Variants in TMEM45B observed in about 807,000 individuals in gnomAD.
TMEM45B encodes transmembrane protein 45B.
Under a neutral mutation model 27.3 loss-of-function variants are expected in TMEM45B, and 29 were observed. The ratio of observed to expected loss-of-function variants is 1.06; its 90% confidence interval spans 0.79 to 1.45. The LOEUF (loss-of-function observed/expected upper bound fraction) is 1.45. TMEM45B is among the 40% of genes most tolerant of loss of function. The pLI is 0.00. For missense variants in TMEM45B, 348 were observed against 343.9 expected (o/e 1.01, Z -0.09); for synonymous variants, 143 against 134.7 (o/e 1.06, Z -0.43).
At chr11:129,826,446 G>T (rs1947480842) in intron 1 of TMEM45B, among the ~76,000 whole-genome samples, 1 of 150,418 alleles carries the variant, frequency 6.6e-6, no homozygotes, top group Non-Finnish European at 1.5e-5. Context: ...CTAATCGGGA[G>T]GCTGAGGCAG....
intron 5 of TMEM45B, among the ~76,000 whole-genome samples, 156 bp from the exon 6 acceptor site, chr11:129,858,414 GATGA>G: frequency 6.6e-6 from 1 of 152,256 alleles, no homozygotes; most frequent in South Asian, 2.1e-4. Context: ...TTTATCTACT[GATGA>G]ATATTTCCTA....
At chr11:129,847,270 A>G (rs2135590045) in intron 1 of TMEM45B, among the ~76,000 whole-genome samples, 1 of 152,276 alleles carries the variant, frequency 6.6e-6, no homozygotes, top group South Asian at 2.1e-4. Flanking sequence ...ACCGGAGGAA[A>G]CAGCTGAAAG....
intron 1 of TMEM45B, among the ~76,000 whole-genome samples, chr11:129,844,545 G>A (rs186448945): frequency 2.8e-4 from 43 of 152,258 alleles, no homozygotes; most frequent in African/African-American, 9.9e-4. Context: ...AAATTGGCCA[G>A]GCGTGGTGGC....
intron 1 of TMEM45B, among the ~76,000 whole-genome samples, chr11:129,849,328 A>C (rs2135594418): frequency 6.6e-6 from 1 of 152,338 alleles, no homozygotes; most frequent in South Asian, 2.1e-4. Context: ...GGAAGGAAGA[A>C]AGGAGTAACA....
Position 129,852,566 on chromosome 11 carries a change from G to A in TMEM45B, c.84G>A (p.Lys28=). Residue 28 remains lysine (K), a synonymous_variant, in exon 2 of 6, where the codon AAG becomes AAA. Coordinates refer to ENST00000281441, the MANE Select transcript of TMEM45B (RefSeq NM_138788.5). Reference sequence around the variant, plus strand: ...GTTGGTCAGTGAAGTACCCGCTGAAGTACTTTAGCCACACGCGGAAGAACA... The same window carrying A: ...GTTGGTCAGTGAAGTACCCGCTGAAATACTTTAGCCACACGCGGAAGAACA... ...GLCWSVKYPL[K]YFSHTRKNSP... is the part of the protein sequence containing the mutation. 1 of 1,613,976 alleles carries A rather than the reference G, an allele frequency of 6.2e-7. No individual in the cohort carries two copies. Among genetic ancestry groups the A allele is most frequent in the African/African-American group, 1.3e-5 (1 of 75,030 alleles).
chr11:129,842,372 T>A (rs1490918401), intron 1 of TMEM45B, among the ~76,000 whole-genome samples: 2 of 152,182 alleles, frequency 1.3e-5, no homozygotes, highest in Non-Finnish European at 2.9e-5. Context: ...GCCAGAAGCA[T>A]CACACTTCCT....
intron 1 of TMEM45B, 118 bp downstream of exon 1, chr11:129,816,016 G>C: frequency 6.5e-6 from 8 of 1,229,580 alleles, no homozygotes; most frequent in Non-Finnish European, 8.2e-6. Flanking sequence ...GGGGACCTGC[G>C]GGGGAGGGGA....
In TMEM45B at chr11:129,859,966, G is replaced by C. The variant is rs2135622460; in HGVS notation, c.*1281G>C. 6.5e-6 allele frequency: 1 copy of C among 152,776 alleles called. No individual in the cohort carries two copies. The highest frequency in any genetic ancestry group is 2.1e-4 in the South Asian group (1 of 4,828). 9.5% of individuals were successfully genotyped at this position (152,776 alleles called of 1,614,324 possible). On this transcript the variant is annotated 3_prime_UTR_variant, in exon 6 of 6. Coordinates refer to ENST00000281441, the MANE Select transcript of TMEM45B (RefSeq NM_138788.5). ...AGAGACATGCCTGTAGTTACATCCA[G>C]TGTGATGGGTGCTGAGAGGCAAGTA...
intron 1 of TMEM45B, among the ~76,000 whole-genome samples, chr11:129,829,193 T>C (rs1947520795): frequency 6.6e-6 from 1 of 152,210 alleles, no homozygotes; most frequent in African/African-American, 2.4e-5. Flanking sequence ...CACTACATAG[T>C]TCATATTCTA....
chr11:129,827,804 GAAATA>G (rs1010650484), intron 1 of TMEM45B, among the ~76,000 whole-genome samples: 2 of 151,830 alleles, frequency 1.3e-5, no homozygotes, highest in African/African-American at 4.8e-5. Context: ...CTCTGCCTCA[GAAATA>G]AAATAAAATA....
Position 129,851,881 on chromosome 11 carries a change from ATAAAAT to A in TMEM45B, c.-8-591_-8-586del, listed in dbSNP as rs1330782415. On this transcript the variant is annotated intron_variant, in intron 1 of 5. Coordinates refer to ENST00000281441, the MANE Select transcript of TMEM45B (RefSeq NM_138788.5). The stretch of plus-strand genomic sequence containing the variant: ...TACTAGACCACCACACCAAAACTTT[ATAAAAT>A]TATTTTCCAGTTGGGTGAAAAATGA... Among the ~76,000 whole-genome samples, 4 of 152,348 alleles carry A rather than the reference ATAAAAT, an allele frequency of 2.6e-5. No individual in the cohort carries two copies. In the South Asian group the frequency reaches 6.2e-4, roughly 24 times the overall value.
intron 1 of TMEM45B, among the ~76,000 whole-genome samples, chr11:129,837,208 A>G (rs193007750): frequency 3.2e-4 from 49 of 152,088 alleles, no homozygotes; most frequent in Admixed American, 8.5e-4. Context: ...TCCCTTTAAG[A>G]CCAGCCCGGG....
At chr11:129,849,821 G>GA (rs1947818486) in intron 1 of TMEM45B, among the ~76,000 whole-genome samples, 1 of 152,190 alleles carries the variant, frequency 6.6e-6, no homozygotes, top group South Asian at 2.1e-4. Context: ...CCCTTCCCCT[G>GA]AAACTGTTCT....
At chr11:129,826,567 A>AAAAAAAAAAAAAAGAAAAAT (rs1199881268) in intron 1 of TMEM45B, among the ~76,000 whole-genome samples, 3 of 96,114 alleles carry the variant, frequency 3.1e-5, no homozygotes, top group Non-Finnish European at 4.0e-5. Flanking sequence ...AAAAAAAAAA[A>AAAAAAAAAAAAAAGAAAAAT]AGGACCCTGA....
intron 1 of TMEM45B, among the ~76,000 whole-genome samples, chr11:129,847,555 C>T (rs1485241177): frequency 4.7e-5 from 7 of 150,386 alleles, no homozygotes; most frequent in Admixed American, 1.3e-4. Flanking sequence ...TGTGTGTGTC[C>T]CTGGGTACTT....
intron 1 of TMEM45B, chr11:129,828,075 G>C (rs902247723): frequency 2.3e-4 from 35 of 152,166 alleles, no homozygotes; most frequent in African/African-American, 8.0e-4. Context: ...GTATACAGCT[G>C]TCTACTAGAT....
chr11:129,849,754 A>T (rs1262262509), intron 1 of TMEM45B, among the ~76,000 whole-genome samples: 11 of 152,096 alleles, frequency 7.2e-5, no homozygotes, highest in Admixed American at 7.2e-4. Flanking sequence ...AAATGTGGGG[A>T]GCAGAGACCT....
intron 1 of TMEM45B, chr11:129,850,737 C>T (rs147424892): frequency 6.6e-6 from 1 of 152,164 alleles, no homozygotes; most frequent in African/African-American, 2.4e-5. Context: ...TGTTCATGAC[C>T]ACTTAGGCAA....
At chr11:129,816,106 G>A (rs1030540689) in intron 1 of TMEM45B, among the ~76,000 whole-genome samples, 2 of 152,138 alleles carry the variant, frequency 1.3e-5, no homozygotes, top group African/African-American at 4.8e-5. Flanking sequence ...CCCTGGTGTC[G>A]CGGAAGCCCA....
Sources: allele counts gnomAD v4.1 joint callset (sites outside exome capture counted in the v4.1 genomes callset), GRCh38; gene constraint gnomAD v4.1.1; transcripts MANE v1.5; gene names NCBI Gene and HGNC (gene_info 2026-07-23, HGNC 2026-07-21).